PTK2B: variants seen among roughly 807,000 people sequenced by gnomAD.
The protein encoded by PTK2B is protein-tyrosine kinase 2-beta.
Under a neutral mutation model 142.9 loss-of-function variants are expected in PTK2B, and 71 were observed. The observed-to-expected ratio is 0.50, with a 90% CI of 0.41 to 0.61. PTK2B has a LOEUF of 0.61. Among genes scored for constraint, PTK2B ranks in the 20% least tolerant of loss-of-function variants. The pLI is 0.00. For synonymous variants in PTK2B, 519 were observed against 503.4 expected (o/e 1.03, Z -0.42); for missense variants, 1,105 against 1,320.4 (o/e 0.84, Z 2.53).
Position 27,395,559 on chromosome 8 carries a change from C to T in PTK2B, c.-37-1989C>T, listed in dbSNP as rs1807995019. ...TGCCATTTCAGTACAATCCTCTCTTCTACCCACCTGCTGCCAGCTCTGCAC... is the reference window on the plus strand; with the variant it reads ...TGCCATTTCAGTACAATCCTCTCTTTTACCCACCTGCTGCCAGCTCTGCAC... On this transcript the variant is annotated intron_variant, in intron 1 of 30. Transcript: ENST00000346049. 2.6e-5 allele frequency among the ~76,000 whole-genome samples: 4 copies of T among 152,314 alleles called. 1 individual carries two copies. The South Asian group carries it at 8.3e-4, about 32-fold the overall frequency.
chr8:27,407,295 C>CTTT (rs1429256612), intron 2 of PTK2B, among the ~76,000 whole-genome samples: 4 of 152,132 alleles, frequency 2.6e-5, no homozygotes, highest in Non-Finnish European at 5.9e-5. Flanking sequence ...AACATAAAAC[C>CTTT]CTTCATGATT....
intron 1 of PTK2B, among the ~76,000 whole-genome samples, chr8:27,394,852 A>G (rs1360253392): frequency 6.6e-6 from 1 of 152,086 alleles, no homozygotes; most frequent in Non-Finnish European, 1.5e-5. Flanking sequence ...TTACTTTTTA[A>G]ACGTTTTTAT....
At chr8:27,445,628 C>A (rs1286812095) in intron 23 of PTK2B, among the ~76,000 whole-genome samples, 166 bp from the exon 24 acceptor site, 1 of 152,116 alleles carries the variant, frequency 6.6e-6, no homozygotes, top group Non-Finnish European at 1.5e-5. Flanking sequence ...CCATCTCTCT[C>A]GGAGCAATGG....
chr8:27,458,799 G>A lies in PTK2B; in HGVS notation c.*290G>A. The A allele has an allele frequency of 2.0e-6, 1 of 497,768 alleles. No homozygotes were observed. The highest frequency in any genetic ancestry group is 3.7e-6 in the Non-Finnish European group (1 of 273,580). 30.8% of individuals were successfully genotyped at this position (497,768 alleles called of 1,614,324 possible). A position where few individuals can be genotyped will look rare whatever the true frequency, so the allele number is the denominator to read the frequency against. ...TCCCTAAGCCAGCCTGGTCCATGCA[G>A]GGGGCTCCTGGGGGTGGGGAGGTGT... On this transcript the variant is annotated 3_prime_UTR_variant, in exon 31 of 31. Coordinates refer to ENST00000346049, the MANE Select transcript of PTK2B (RefSeq NM_173176.3).
intron 1 of PTK2B, among the ~76,000 whole-genome samples, chr8:27,352,230 T>G (rs1156652466): frequency 1.3e-5 from 2 of 152,356 alleles, no homozygotes; most frequent in South Asian, 2.1e-4. Context: ...CCCATTACTT[T>G]TTCTAAAGCA....
intron 2 of PTK2B, among the ~76,000 whole-genome samples, chr8:27,407,230 C>CGA (rs953808699): frequency 2.6e-5 from 4 of 152,106 alleles, no homozygotes; most frequent in African/African-American, 9.7e-5. Flanking sequence ...CTCTACTTCC[C>CGA]GTCTTCACAC....
At chr8:27,397,267 G>C (rs1168099698) in intron 1 of PTK2B, among the ~76,000 whole-genome samples, 1 of 152,212 alleles carries the variant, frequency 6.6e-6, no homozygotes, top group Non-Finnish European at 1.5e-5. Flanking sequence ...CCAGGGTGGA[G>C]GGAGGAATGG....
At chr8:27,310,884 G>A (rs761301143), upstream of PTK2B, 1 of 1,612,986 alleles carries the variant, frequency 6.2e-7, no homozygotes, top group Admixed American at 1.7e-5. Flanking sequence ...CAGCACAGCA[G>A]CTCCTTGTCC....
Position 27,356,648 on chromosome 8 carries a change from A to G in PTK2B, c.-38+30967A>G, listed in dbSNP as rs1258164436. ...CCCTCTTGTCAAAGAGCTGCAGTCA[A>G]TAGCGGAAAAACGTAAACAATGCAA... On this transcript the variant is annotated intron_variant, in intron 1 of 30. Coordinates refer to ENST00000346049, the MANE Select transcript of PTK2B (RefSeq NM_173176.3). Among the ~76,000 whole-genome samples the G allele has an allele frequency of 2.6e-5, 4 of 152,256 alleles. No individual in the cohort carries two copies. In the East Asian group the frequency reaches 7.7e-4, roughly 29 times the overall value.
upstream of PTK2B, chr8:27,311,088 C>A: frequency 6.3e-7 from 1 of 1,597,426 alleles, no homozygotes; most frequent in Non-Finnish European, 8.5e-7. Context: ...ACCTGCACCT[C>A]CCAGCAGCGG....
intron 1 of PTK2B, among the ~76,000 whole-genome samples, chr8:27,364,795 G>A (rs1805920497): frequency 6.6e-6 from 1 of 152,200 alleles, no homozygotes; most frequent in South Asian, 2.1e-4. Context: ...GTCAATTCCT[G>A]TGGATTCCAC....
chr8:27,420,749 A>C lies in PTK2B; in HGVS notation c.471+5A>C. 1 of 1,604,752 alleles carries C rather than the reference A, an allele frequency of 6.2e-7. No individual in the cohort carries two copies. Among genetic ancestry groups the C allele is most frequent in the Non-Finnish European group, 8.5e-7 (1 of 1,171,562 alleles). On this transcript the variant is annotated splice_donor_5th_base_variant and intron_variant, in intron 4 of 30. Transcript: ENST00000346049. Reference sequence around the variant, plus strand: ...CTGCTCTATTTTTACCAACAGGTAAAAAGTACTTTATCTTCTTGCCCCGAG... The same window carrying C: ...CTGCTCTATTTTTACCAACAGGTAACAAGTACTTTATCTTCTTGCCCCGAG...
At chr8:27,441,891 C>T (rs1050899487) in intron 21 of PTK2B, among the ~76,000 whole-genome samples, 1 of 151,822 alleles carries the variant, frequency 6.6e-6, no homozygotes, top group African/African-American at 2.4e-5. Context: ...GAGAGGTGTT[C>T]CCATCATCTC....
intron 5 of PTK2B, among the ~76,000 whole-genome samples, chr8:27,422,678 C>A (rs955664499): frequency 6.6e-6 from 1 of 152,198 alleles, no homozygotes; most frequent in Non-Finnish European, 1.5e-5. Flanking sequence ...TGCTGCTGTT[C>A]AAGCGATTCA....
At chr8:27,390,314 TAGG>T (rs1807636274) in intron 1 of PTK2B, among the ~76,000 whole-genome samples, 1 of 152,034 alleles carries the variant, frequency 6.6e-6, no homozygotes, top group Non-Finnish European at 1.5e-5. Flanking sequence ...ATCCTGCACT[TAGG>T]AGGTCAGTTT....
chr8:27,434,741 C>G (rs1478759682), intron 13 of PTK2B, among the ~76,000 whole-genome samples, 182 bp downstream of exon 13: 2 of 152,158 alleles, frequency 1.3e-5, no homozygotes, highest in Non-Finnish European at 2.9e-5. Context: ...GTGGCTCATG[C>G]CTGTAATCCC....
At position 27,367,389 on chromosome 8, in the gene PTK2B, G is replaced by C. The variant is rs375972515; in HGVS notation, c.-37-30159G>C. ...GGACTGGTCCTGCTGGGGATGGTGAGGGACTGAACAGCCCAGGTGCGGGGT... is the reference window on the plus strand; with the variant it reads ...GGACTGGTCCTGCTGGGGATGGTGACGGACTGAACAGCCCAGGTGCGGGGT... On this transcript the variant is annotated intron_variant, in intron 1 of 30. Transcript: ENST00000346049. Among the ~76,000 whole-genome samples, 4 of 152,166 alleles carry C rather than the reference G, an allele frequency of 2.6e-5. No homozygotes were observed. In the East Asian group the frequency reaches 5.8e-4, roughly 22 times the overall value.
upstream of PTK2B, among the ~76,000 whole-genome samples, chr8:27,321,306 A>T (rs1291431785): frequency 6.6e-6 from 1 of 152,132 alleles, no homozygotes; most frequent in Non-Finnish European, 1.5e-5. Flanking sequence ...TCAAAAAAAC[A>T]TTCTTAACAC....
chr8:27,409,084 CT>C (rs1334606310), intron 2 of PTK2B, among the ~76,000 whole-genome samples: 1 of 152,118 alleles, frequency 6.6e-6, no homozygotes, highest in Non-Finnish European at 1.5e-5. Flanking sequence ...ACACTTCCCC[CT>C]TTTTTAAGGA....
Sources: allele counts gnomAD v4.1 joint callset (sites outside exome capture counted in the v4.1 genomes callset), GRCh38; gene constraint gnomAD v4.1.1; transcripts MANE v1.5; gene names NCBI Gene and HGNC (gene_info 2026-07-23, HGNC 2026-07-21).